The following ADSL variants were observed in gnomAD, a reference collection of about 807,000 sequenced individuals.
ADSL encodes the protein adenylosuccinase.
In ADSL, 44 loss-of-function variants were observed where a neutral mutation model predicts 62.1. That is an observed-to-expected ratio of 0.71 (90% confidence interval 0.56 to 0.91). The LOEUF (loss-of-function observed/expected upper bound fraction) is 0.91. Among genes scored for constraint, ADSL ranks in the 40% least tolerant of loss-of-function variants. The pLI is 0.00. For missense variants in ADSL, 531 were observed against 627.4 expected, an observed-to-expected ratio of 0.85 and a Z score of 1.64; for synonymous variants, 198 against 220.5, an observed-to-expected ratio of 0.90 and a Z score of 0.90.
chr22:40,350,000 C>T lies in ADSL; in HGVS notation c.322C>T (p.Leu108Phe), dbSNP rs905003988. 6.2e-7 allele frequency: 1 copy of T among 1,614,030 alleles called. No individual in the cohort carries two copies. Among genetic ancestry groups the T allele is most frequent in the Non-Finnish European group, 8.5e-7 (1 of 1,179,924 alleles). Residue 108 changes from leucine (L) to phenylalanine (F), a missense_variant, in exon 2 of 13, where the codon CTT becomes TTT. Physicochemically the swap from Leu to Phe is conservative, Grantham distance 22 (BLOSUM62 0). Transcript: ENST00000623063. ...CCPKAAGIIH[L>F]GATSCYVGDN... ...TCCAAAAGCTGCAGGCATTATTCAC[C>T]TTGGTGCTACTTCTTGCTATGTTGG...
At chr22:40,380,169 A>G (rs931182432) in intron 2 of ADSL, among the ~76,000 whole-genome samples, 2 of 152,150 alleles carry the variant, frequency 1.3e-5, no homozygotes, top group Non-Finnish European at 2.9e-5. Flanking sequence ...AGAGAACTTT[A>G]TACAGTGCTG....
In ADSL at chr22:40,364,363, C is replaced by T. The variant is rs753430039; in HGVS notation, c.1189C>T (p.Gln397Ter). The change falls in exon 11 of 13, where the codon CAG becomes TAG. Residue 397 changes from glutamine to a stop codon, truncating the protein, a stop_gained and splice_region_variant. Transcript: ENST00000623063. LOFTEE classifies it high-confidence loss of function. ...CATGGTCAAAGCTGGAGGTAGCCGCCAGGTTTGTAACCCCTCATGTTCCTG... is the reference window on the plus strand; with the variant it reads ...CATGGTCAAAGCTGGAGGTAGCCGCTAGGTTTGTAACCCCTCATGTTCCTG... ...MAMVKAGGSR[Q>*]DCHEKIRVLS... The T allele has an allele frequency of 6.2e-7, 1 of 1,613,738 alleles. No individual in the cohort carries two copies. Among genetic ancestry groups the T allele is most frequent in the Non-Finnish European group, 8.5e-7 (1 of 1,179,852 alleles).
intron 2 of ADSL, 89 bp downstream of exon 2, chr22:40,350,124 A>C: frequency 7.8e-7 from 1 of 1,278,498 alleles, no homozygotes; most frequent in Non-Finnish European, 1.1e-6. Flanking sequence ...AGGAAGTGAC[A>C]CTATAGATCT....
chr22:40,374,390 G>A (rs758007903), intron 2 of ADSL, among the ~76,000 whole-genome samples: 4 of 152,220 alleles, frequency 2.6e-5, no homozygotes, highest in Admixed American at 6.5e-5. Context: ...TATACTTTTA[G>A]GGAAAAGCTG....
chr22:40,381,297 A>C (rs994199760), intron 2 of ADSL, among the ~76,000 whole-genome samples: 1 of 152,018 alleles, frequency 6.6e-6, no homozygotes, highest in Non-Finnish European at 1.5e-5. Context: ...ACAGGTGTGC[A>C]CCACCACACT....
At chr22:40,349,178 C>T (rs1215431381) in intron 1 of ADSL, among the ~76,000 whole-genome samples, 1 of 151,934 alleles carries the variant, frequency 6.6e-6, no homozygotes, top group East Asian at 1.9e-4. Context: ...GTAAAAATGT[C>T]ATGTGGTGAT....
chr22:40,362,916 A>G lies in ADSL; in HGVS notation c.1011-65A>G, dbSNP rs1982561848. On this transcript the variant is annotated intron_variant, in intron 9 of 12. Transcript: ENST00000623063. ...ACAGTCAGTAGGGCAACTTGTTGGG[A>G]CACACACTGCATTTCACTGAAATTA... The G allele has an allele frequency of 1.5e-5, 22 of 1,427,216 alleles. No homozygotes were observed. The South Asian group carries it at 2.4e-4, about 16-fold the overall frequency. The allele number at this position is 1,427,216 out of a possible 1,614,324, so 88.4% of individuals were successfully genotyped here. A position where few individuals can be genotyped will look rare whatever the true frequency, so the allele number is the denominator to read the frequency against.
intron 2 of ADSL, among the ~76,000 whole-genome samples, chr22:40,381,234 A>G (rs1323623363): frequency 1.3e-5 from 2 of 151,494 alleles, no homozygotes; most frequent in Non-Finnish European, 2.9e-5. Context: ...TGCAACCTCC[A>G]CCTCCAGGGC....
At chr22:40,363,729 T>TC (rs1338435684) in intron 10 of ADSL, among the ~76,000 whole-genome samples, 1 of 131,974 alleles carries the variant, frequency 7.6e-6, no homozygotes, top group African/African-American at 2.9e-5. Flanking sequence ...AGAACGAAAC[T>TC]CCATCTCAAA....
intron 6 of ADSL, 53 bp from the exon 7 acceptor site, chr22:40,360,349 C>G: frequency 6.7e-7 from 1 of 1,489,612 alleles, no homozygotes; most frequent in Non-Finnish European, 9.4e-7. Context: ...TCATGCACCA[C>G]TGCAATGGCT....
rs149276957 is a variant in ADSL at position 40,354,325 on chromosome 22, C to T, written c.480C>T (p.Phe160=). The change falls in exon 4 of 13, where the codon TTC becomes TTT. Residue 160 remains phenylalanine, a splice_region_variant and synonymous_variant. Coordinates refer to ENST00000623063, the MANE Select transcript of ADSL (RefSeq NM_000026.4). ...ASLPTLGFTH[F]QPAQLTTVGK... The stretch of plus-strand genomic sequence containing the variant: ...TACCCACATTAGGTTTCACACATTT[C>T]CAGTAAGTGATAAGATTACTTCTTG... 4 of 1,613,102 alleles carry T rather than the reference C, an allele frequency of 2.5e-6. No individual in the cohort carries two copies. In the African/African-American group the frequency reaches 5.3e-5, roughly 22 times the overall value.
chr22:40,361,016 A>AT (rs1031165523), intron 7 of ADSL: 1 of 540,316 alleles, frequency 1.9e-6, no homozygotes, highest in African/African-American at 1.9e-5. Flanking sequence ...TAATCTTGTG[A>AT]TTTTCTTTCC....
chr22:40,386,800 G>A (rs930960392), intron 2 of ADSL, among the ~76,000 whole-genome samples: 7 of 151,894 alleles, frequency 4.6e-5, no homozygotes, highest in Non-Finnish European at 1.0e-4. Context: ...CTTTGTGTGA[G>A]TCCCTTTGCC....
In ADSL at chr22:40,364,885, C is replaced by T; in HGVS notation, c.1197C>T (p.Cys399=). Residue 399 remains cysteine (C), a synonymous_variant, in exon 12 of 13, where the codon TGC becomes TGT. Coordinates refer to ENST00000623063, the MANE Select transcript of ADSL (RefSeq NM_000026.4). ...ATACTTCACTGTCTTCCCAGGATTGCCATGAGAAAATCAGAGTGCTTTCTC... is the reference window on the plus strand; with the variant it reads ...ATACTTCACTGTCTTCCCAGGATTGTCATGAGAAAATCAGAGTGCTTTCTC... ...MVKAGGSRQD[C]HEKIRVLSQQ... 6.2e-7 allele frequency: 1 copy of T among 1,614,166 alleles called. No homozygotes were observed. The highest frequency in any genetic ancestry group is 1.1e-5 in the South Asian group (1 of 91,082).
intron 1 of ADSL, chr22:40,348,416 C>G (rs930595281): frequency 5.8e-5 from 23 of 398,242 alleles, no homozygotes; most frequent in Admixed American, 3.1e-4. Context: ...CTGGGTCTGG[C>G]TCTGTCGCCT....
chr22:40,366,304 G>GA (rs2045003857), intron 12 of ADSL, 132 bp from the exon 13 acceptor site: 2 of 715,478 alleles, frequency 2.8e-6, no homozygotes, highest in Non-Finnish European at 5.0e-6. Flanking sequence ...GGCAGTTGAG[G>GA]AAAACAAGCT....
chr22:40,362,879 T>G (rs2044847366), intron 9 of ADSL, 102 bp from the exon 10 acceptor site: 1 of 1,081,828 alleles, frequency 9.2e-7, no homozygotes, highest in Non-Finnish European at 1.4e-6. Flanking sequence ...TGAAGGAGAT[T>G]ATCCAGAGAG....
In ADSL at chr22:40,356,494, C is replaced by T. The variant is rs149878801; in HGVS notation, c.482+2167C>T. 7.7e-3 allele frequency among the ~76,000 whole-genome samples: 1,147 copies of T among 149,682 alleles called. 6 individuals are homozygous for T. The highest frequency in any genetic ancestry group is 0.013 in the Non-Finnish European group (867 of 67,658). ...AGGTTGCAGTGAGCCAAGATCGCGCCGCTGCACTCCAGCCTGGGCGACAGA... is the reference window on the plus strand; with the variant it reads ...AGGTTGCAGTGAGCCAAGATCGCGCTGCTGCACTCCAGCCTGGGCGACAGA... On this transcript the variant is annotated intron_variant, in intron 4 of 12. Transcript: ENST00000623063.
rs371529148 is a variant in ADSL at position 40,361,322 on chromosome 22, C to G, written c.842C>G (p.Pro281Arg). 40 of 1,614,078 alleles carry G rather than the reference C, an allele frequency of 2.5e-5. No homozygotes were observed. Among genetic ancestry groups the G allele is most frequent in the Non-Finnish European group, 3.3e-5 (39 of 1,180,042 alleles). The change falls in exon 8 of 13, where the codon CCC becomes CGC. Residue 281 changes from proline (P) to arginine (R), a missense_variant. This residue lies in a region of ADSL where 471 missense variants were observed against 592.9 expected (regional missense o/e 0.79). Coordinates refer to ENST00000623063, the MANE Select transcript of ADSL (RefSeq NM_000026.4). ...LLANLKEMEE[P>R]FEKQQIGSSA... ...GCAAACCTCAAGGAGATGGAGGAAC[C>G]CTTTGAAAAACAGCAGATTGGTGAG...
Sources: gnomAD v4.1 joint callset for allele counts (sites outside exome capture counted in the v4.1 genomes callset) on GRCh38, gnomAD v4.1.1 for gene constraint, gnomAD v4.1.1 regional missense constraint, MANE v1.5 for transcripts, NCBI Gene and HGNC (gene_info 2026-07-23, HGNC 2026-07-21) for gene names.